The following ADGRL4 variants were observed in gnomAD, a reference collection of about 807,000 sequenced individuals.
ADGRL4 encodes adhesion G protein-coupled receptor L4, also known as EGF, latrophilin and seven transmembrane domain containing 1.
Under a neutral mutation model 74.8 loss-of-function variants are expected in ADGRL4, and 90 were observed. That is an observed-to-expected ratio of 1.20 (90% confidence interval 1.02 to 1.43). The LOEUF is 1.43. Ranked by LOEUF, ADGRL4 falls within the 40% of genes most tolerant of loss-of-function variation. The pLI is 0.00. For synonymous variants in ADGRL4, 311 were observed against 279.2 expected (o/e 1.11, Z -1.14); for missense variants, 881 against 814.3 (o/e 1.08, Z -1.00).
intron 7 of ADGRL4, among the ~76,000 whole-genome samples, chr1:78,932,437 A>G (rs1344491573): frequency 6.6e-6 from 1 of 151,418 alleles, no homozygotes; most frequent in Non-Finnish European, 1.5e-5. Flanking sequence ...TTAAGAGGGA[A>G]ATTTATAGCA....
At chr1:78,973,442 T>G (rs76362050) in intron 2 of ADGRL4, among the ~76,000 whole-genome samples, 24,024 of 151,594 alleles carry the variant, frequency 0.16, 2,080 homozygotes, top group Middle Eastern at 0.21. Context: ...TTCTTAAGAC[T>G]GCATTTAAAG....
intron 12 of ADGRL4, among the ~76,000 whole-genome samples, chr1:78,911,278 C>T (rs1648756807): frequency 6.6e-6 from 1 of 151,900 alleles, no homozygotes; most frequent in South Asian, 2.1e-4. Context: ...TTCTGGAGCA[C>T]AAGTCTTTCT....
At chr1:78,906,531 A>C (rs1443432713) in intron 12 of ADGRL4, among the ~76,000 whole-genome samples, 1 of 151,996 alleles carries the variant, frequency 6.6e-6, no homozygotes, top group African/African-American at 2.4e-5. Flanking sequence ...CATGGAAAGG[A>C]ATAAAGGTGA....
rs1185455057 is a variant in ADGRL4 at position 79,005,188 on chromosome 1, A to G, written c.54T>C (p.Tyr18=). ...AAGGTGTCTTGGTGCAATTTTGAGTATAGGAACAATTCAACAAAGTGGAAA... is the reference window on the plus strand; with the variant it reads ...AAGGTGTCTTGGTGCAATTTTGAGTGTAGGAACAATTCAACAAAGTGGAAA... ...VVFSTLLNCS[Y]TQNCTKTPCL... Residue 18 remains tyrosine (Y), a synonymous_variant, in exon 2 of 15, where the codon TAT becomes TAC. Coordinates refer to ENST00000370742, the MANE Select transcript of ADGRL4 (RefSeq NM_022159.4). The G allele has an allele frequency of 2.5e-6, 4 of 1,612,584 alleles. No homozygotes were observed. The highest frequency in any genetic ancestry group is 2.5e-6 in the Non-Finnish European group (3 of 1,179,368).
At chr1:78,965,116 T>TTA (rs1445785421) in intron 2 of ADGRL4, among the ~76,000 whole-genome samples, 1 of 152,178 alleles carries the variant, frequency 6.6e-6, no homozygotes, top group Non-Finnish European at 1.5e-5. Context: ...CTTTTGATGC[T>TTA]TATAATTATC....
At chr1:78,926,763 C>T (rs1649122870) in intron 8 of ADGRL4, 123 bp downstream of exon 8, 1 of 708,422 alleles carries the variant, frequency 1.4e-6, no homozygotes, top group Non-Finnish European at 2.3e-6. Context: ...CTACTTCACT[C>T]TTTTAATTTC....
chr1:78,935,507 G>A (rs1460184750), intron 7 of ADGRL4, among the ~76,000 whole-genome samples: 1 of 145,016 alleles, frequency 6.9e-6, no homozygotes, highest in Non-Finnish European at 1.5e-5. Context: ...TGCTGTGCAC[G>A]TTTCCCAGAG....
intron 2 of ADGRL4, among the ~76,000 whole-genome samples, chr1:78,966,838 CTT>C (rs1435059413): frequency 6.7e-6 from 1 of 150,122 alleles, no homozygotes; most frequent in Non-Finnish European, 1.5e-5. Flanking sequence ...CAGCAGTTAA[CTT>C]TTAAGCTAGT....
intron 7 of ADGRL4, among the ~76,000 whole-genome samples, chr1:78,928,449 C>A (rs1351112274): frequency 2.0e-5 from 3 of 151,330 alleles, no homozygotes; most frequent in Admixed American, 2.0e-4. Flanking sequence ...ATTAGGGGTT[C>A]ATTCACTAAT....
chr1:78,971,880 C>T (rs540529150), intron 2 of ADGRL4, among the ~76,000 whole-genome samples: 5 of 152,072 alleles, frequency 3.3e-5, no homozygotes, highest in Admixed American at 2.0e-4. Context: ...CTCAGCCTCC[C>T]GAGTAGCTGG....
intron 1 of ADGRL4, among the ~76,000 whole-genome samples, chr1:79,005,557 G>C (rs1376158798): frequency 6.6e-6 from 1 of 152,178 alleles, no homozygotes; most frequent in African/African-American, 2.4e-5. Context: ...TCTGAGGTGA[G>C]ATACTTTGAA....
intron 12 of ADGRL4, among the ~76,000 whole-genome samples, 178 bp from the exon 13 acceptor site, chr1:78,893,367 ATG>A (rs1648330055): frequency 1.3e-5 from 2 of 151,946 alleles, no homozygotes; most frequent in South Asian, 2.1e-4. Context: ...CAACCTGTTT[ATG>A]AAACTTCTTC....
Position 78,946,346 on chromosome 1 carries a change from T to C in ADGRL4, c.253A>G (p.Met85Val), listed in dbSNP as rs1242625623. 26 of 1,613,324 alleles carry C rather than the reference T, an allele frequency of 1.6e-5. No individual in the cohort carries two copies. Among genetic ancestry groups the C allele is most frequent in the Non-Finnish European group, 2.2e-5 (26 of 1,179,626 alleles). ...CTNTEGSYYC[M>V]CVPGFRSSSN... is the part of the protein sequence containing the mutation. Reference sequence around the variant, plus strand: ...CTGGATCTGAAGCCAGGTACACACATACAATAATAACTTCCTTCTGTGTTA... The same window carrying C: ...CTGGATCTGAAGCCAGGTACACACACACAATAATAACTTCCTTCTGTGTTA... The change falls in exon 3 of 15, where the codon ATG becomes GTG. Residue 85 changes from methionine to valine, a missense_variant. Coordinates refer to ENST00000370742, the MANE Select transcript of ADGRL4 (RefSeq NM_022159.4).
chr1:78,938,376 T>A, intron 4 of ADGRL4, 97 bp from the exon 5 acceptor site: 1 of 933,392 alleles, frequency 1.1e-6, no homozygotes, highest in African/African-American at 1.7e-5. Flanking sequence ...TGAGGTTGGT[T>A]TCCTTGGTCT....
chr1:78,891,229 A>C lies in ADGRL4; in HGVS notation c.2011-13T>G, dbSNP rs746374532. 219 of 1,591,706 alleles carry C rather than the reference A, an allele frequency of 1.4e-4. No individual in the cohort carries two copies. The highest frequency in any genetic ancestry group is 1.9e-4 in the Non-Finnish European group (216 of 1,166,544). ...ATTCTTCTTGAATCTAAAAATTAAA[A>C]AAAGGAAAGGAAGAAATGTTAATCA... On this transcript the variant is annotated splice_polypyrimidine_tract_variant and intron_variant, in intron 14 of 14. Coordinates refer to ENST00000370742, the MANE Select transcript of ADGRL4 (RefSeq NM_022159.4).
At chr1:78,996,835 C>G (rs1460177268) in intron 2 of ADGRL4, among the ~76,000 whole-genome samples, 1 of 152,066 alleles carries the variant, frequency 6.6e-6, no homozygotes, top group Non-Finnish European at 1.5e-5. Context: ...TGAAAAAATA[C>G]TTTAGGTTTG....
rs192412716 is a variant in ADGRL4 at position 78,952,195 on chromosome 1, T to C, written c.173-5769A>G. ...TATGGAACTTTAACAGCAGCATCAC[T>C]CCTGTACACATTTTCCCTCTGGACG... On this transcript the variant is annotated intron_variant, in intron 2 of 14. Coordinates refer to ENST00000370742, the MANE Select transcript of ADGRL4 (RefSeq NM_022159.4). 1.2e-4 allele frequency among the ~76,000 whole-genome samples: 18 copies of C among 152,234 alleles called. 1 individual carries two copies. Among genetic ancestry groups the C allele is most frequent in the African/African-American group, 3.4e-4 (14 of 41,566 alleles).
intron 7 of ADGRL4, among the ~76,000 whole-genome samples, chr1:78,933,872 A>G (rs993497459): frequency 2.0e-5 from 3 of 152,122 alleles, no homozygotes; most frequent in Admixed American, 6.5e-5. Flanking sequence ...ACAGCTAACA[A>G]GGGATGTGAA....
At chr1:78,997,982 G>A (rs1001969616) in intron 2 of ADGRL4, among the ~76,000 whole-genome samples, 6 of 152,152 alleles carry the variant, frequency 3.9e-5, no homozygotes, top group African/African-American at 9.7e-5. Context: ...TTTTCTTTGA[G>A]AGTATTTTCT....
Sources: gnomAD v4.1 joint callset for allele counts (sites outside exome capture counted in the v4.1 genomes callset) on GRCh38, gnomAD v4.1.1 for gene constraint, MANE v1.5 for transcripts, NCBI Gene and HGNC (gene_info 2026-07-23, HGNC 2026-07-21) for gene names.